CSF2RA: variants seen among roughly 807,000 people sequenced by gnomAD.
CSF2RA encodes granulocyte-macrophage colony-stimulating factor receptor subunit alpha.
Under a neutral mutation model 51.6 loss-of-function variants are expected in CSF2RA, and 42 were observed. The observed-to-expected ratio is 0.81, with a 90% confidence interval of 0.64 to 1.05. The LOEUF (loss-of-function observed/expected upper bound fraction) is 1.05, where lower values mean the gene tolerates loss of function less well. Among genes scored for constraint, CSF2RA ranks in the 50% least tolerant of loss-of-function variants. The pLI, the probability that CSF2RA is intolerant of heterozygous loss-of-function variation, is 0.00. For synonymous variants in CSF2RA, 222 were observed against 193.0 expected (o/e 1.15, Z -1.24); for missense variants, 530 against 501.1 (o/e 1.06, Z -0.55).
intron 7 of CSF2RA, among the ~76,000 whole-genome samples, chrX:1,292,428 C>A (rs1395836808): frequency 6.6e-6 from 1 of 152,128 alleles, no homozygotes; most frequent in Non-Finnish European, 1.5e-5. Flanking sequence ...TACGGAGGAC[C>A]TGCACCGGTC....
At chrX:1,285,155 C>T (rs1303167250) in intron 3 of CSF2RA, among the ~76,000 whole-genome samples, 1 of 152,072 alleles carries the variant, frequency 6.6e-6, no homozygotes, top group East Asian at 1.9e-4. Flanking sequence ...TTTGCCTCAG[C>T]CTCCCAAGGT....
chrX:1,324,190 A>G, the CSF2RA span, among the ~76,000 whole-genome samples: 1 of 149,708 alleles, frequency 6.7e-6, no homozygotes, highest in Non-Finnish European at 1.5e-5. Flanking sequence ...GCCTTTAAAA[A>G]CAAAAACAAA....
chrX:1,270,393 C>T (rs2088218633), intron 1 of CSF2RA, among the ~76,000 whole-genome samples: 1 of 151,962 alleles, frequency 6.6e-6, no homozygotes, highest in Admixed American at 6.6e-5. Context: ...CAAATGCCAC[C>T]ATTCCTGGCA....
downstream of CSF2RA, among the ~76,000 whole-genome samples, chrX:1,313,252 G>A (rs755068910): frequency 1.3e-4 from 19 of 151,062 alleles, no homozygotes; most frequent in South Asian, 4.0e-3. Flanking sequence ...GGTGAAACTC[G>A]TCTCTACTAC....
intron 8 of CSF2RA, 95 bp downstream of exon 8, chrX:1,294,556 G>T: frequency 1.3e-6 from 2 of 1,541,136 alleles, no homozygotes; most frequent in East Asian, 2.3e-5. Flanking sequence ...TGGCCTGGGG[G>T]AAGGATGCGT....
At position 1,309,277 on chromosome X, in the gene CSF2RA, T is replaced by C. The variant is rs752284363; in HGVS notation, c.1126-125T>C. On this transcript the variant is annotated intron_variant, in intron 12 of 12. Transcript: ENST00000381529. ...TTGCAGTGAGCTGAGATGACACCAC[T>C]GCACTCCAGCCTGGGCAATAGAATG... 30 of 988,730 alleles carry C rather than the reference T, an allele frequency of 3.0e-5. No individual in the cohort carries two copies. In the South Asian group the frequency reaches 3.9e-4, roughly 13 times the overall value. 61.2% of individuals were successfully genotyped at this position (988,730 alleles called of 1,614,324 possible). A position where few individuals can be genotyped will look rare whatever the true frequency, so the allele number is the denominator to read the frequency against.
chrX:1,319,077 C>T, the CSF2RA span, among the ~76,000 whole-genome samples: 96 of 137,232 alleles, frequency 7.0e-4, no homozygotes, highest in African/African-American at 2.3e-3. Context: ...CTCACTACAA[C>T]CTCCGCCTCC....
chrX:1,292,007 C>G (rs1307447002), intron 7 of CSF2RA, among the ~76,000 whole-genome samples: 1 of 149,524 alleles, frequency 6.7e-6, no homozygotes, highest in Non-Finnish European at 1.5e-5. Flanking sequence ...AAGAGGTGTC[C>G]CTACTCCACA....
intron 2 of CSF2RA, among the ~76,000 whole-genome samples, chrX:1,275,709 C>A (rs2089096651): frequency 6.6e-6 from 1 of 151,594 alleles, no homozygotes; most frequent in African/African-American, 2.4e-5. Flanking sequence ...CAGGCGCCCA[C>A]CACCATGCCC....
chrX:1,319,764 G>A, the CSF2RA span, among the ~76,000 whole-genome samples: 5 of 147,248 alleles, frequency 3.4e-5, no homozygotes, highest in African/African-American at 1.2e-4. Context: ...GCCCAGGCTG[G>A]AGTGCAGGGG....
At chrX:1,324,443 AAAG>A in the CSF2RA span, among the ~76,000 whole-genome samples, 26 of 71,980 alleles carry the variant, frequency 3.6e-4, no homozygotes, top group South Asian at 1.3e-3. Context: ...GAGAGAGAAA[AAAG>A]AAAGAAAAAG....
downstream of CSF2RA, among the ~76,000 whole-genome samples, chrX:1,312,474 G>A (rs1167104309): frequency 1.3e-5 from 2 of 151,860 alleles, no homozygotes; most frequent in Non-Finnish European, 2.9e-5. Flanking sequence ...GAATTAGGAC[G>A]TGGACATATT....
At chrX:1,313,025 A>T (rs767084333), downstream of CSF2RA, among the ~76,000 whole-genome samples, 2 of 152,200 alleles carry the variant, frequency 1.3e-5, no homozygotes, top group African/African-American at 4.8e-5. Flanking sequence ...CGCCCCAGGA[A>T]GCAGGTCCAC....
In CSF2RA at chrX:1,303,939, C is replaced by A. The variant is rs1183064710; in HGVS notation, c.963C>A (p.Asn321Lys). The A allele has an allele frequency of 1.2e-6, 2 of 1,613,574 alleles. No individual in the cohort carries two copies. The highest frequency in any genetic ancestry group is 1.7e-6 in the Non-Finnish European group (2 of 1,179,762). The change falls in exon 11 of 13, where the codon AAC becomes AAA. Residue 321 changes from asparagine (N) to lysine (K), a missense_variant. Transcript: ENST00000381529. ...TCTCTCCAGGTTCTGACGACGGGAA[C>A]CTCGGCTCTGTGTACATTTATGTGC... ...EAIEFGSDDG[N>K]LGSVYIYVLL... is the part of the protein sequence containing the mutation.
rs777811347 is a variant in CSF2RA, at chrX:1,282,684, C to CCT, written c.-19_-18dup. On this transcript the variant is annotated 5_prime_UTR_variant, in exon 3 of 13. Transcript: ENST00000381529. ...GATATTTTCTCTCCTGCAGCTCTTC[C>CCT]CTTCTCTCTGACCAGCACCATGCTT... The CCT allele has an allele frequency of 5.2e-5, 83 of 1,606,800 alleles. No individual in the cohort carries two copies. Among genetic ancestry groups the CCT allele is most frequent in the Non-Finnish European group, 6.5e-5 (76 of 1,173,398 alleles).
downstream of CSF2RA, among the ~76,000 whole-genome samples, chrX:1,313,775 G>C (rs1409815981): frequency 6.6e-6 from 1 of 151,756 alleles, no homozygotes; most frequent in African/African-American, 2.4e-5. Context: ...GATCACCTGA[G>C]GTCAGGAGTC....
intron 8 of CSF2RA, 56 bp from the exon 9 acceptor site, chrX:1,295,369 TAC>T (rs2091841511): frequency 2.1e-5 from 33 of 1,601,024 alleles, no homozygotes; most frequent in Non-Finnish European, 2.7e-5. Flanking sequence ...GTGAACCATC[TAC>T]AGTGTTTTAG....
chrX:1,297,876 G>A (rs1397146434), intron 9 of CSF2RA, among the ~76,000 whole-genome samples: 1 of 69,728 alleles, frequency 1.4e-5, no homozygotes, highest in Non-Finnish European at 3.1e-5. Flanking sequence ...ACCCCTGGCG[G>A]AACCCTACAG....
chrX:1,314,572 C>T (rs1464733441), downstream of CSF2RA, among the ~76,000 whole-genome samples: 748 of 41,626 alleles, frequency 0.018, 116 homozygotes, highest in African/African-American at 0.046. Flanking sequence ...AATCCCACTG[C>T]ACCTGCCCAA....
Sources: gnomAD v4.1 joint callset for allele counts (sites outside exome capture counted in the v4.1 genomes callset) on GRCh38, gnomAD v4.1.1 for gene constraint, MANE v1.5 for transcripts, NCBI Gene and HGNC (gene_info 2026-07-23, HGNC 2026-07-21) for gene names.